Variants in AKAP8L observed in about 807,000 individuals in gnomAD.
AKAP8L encodes A-kinase anchor protein 8-like.
Under a neutral mutation model 77.5 loss-of-function variants are expected in AKAP8L, and 34 were observed. The observed-to-expected ratio is 0.44, with a 90% confidence interval of 0.33 to 0.58. AKAP8L has a LOEUF of 0.58. Among genes scored for constraint, AKAP8L ranks in the 20% least tolerant of loss-of-function variants. AKAP8L has a pLI of 0.02. For synonymous variants in AKAP8L, 342 were observed against 340.7 expected (o/e 1.00, Z -0.04); for missense variants, 806 against 887.6 (o/e 0.91, Z 1.17).
At chr19:15,405,706 G>A (rs1320120288) in intron 2 of AKAP8L, among the ~76,000 whole-genome samples, 2 of 151,606 alleles carry the variant, frequency 1.3e-5, no homozygotes, top group African/African-American at 2.4e-5. Flanking sequence ...GGTGGATTAC[G>A]AGGTCAGGAG....
intron 12 of AKAP8L, among the ~76,000 whole-genome samples, chr19:15,394,373 T>G (rs899264303): frequency 1.3e-5 from 2 of 151,938 alleles, no homozygotes; most frequent in African/African-American, 4.8e-5. Flanking sequence ...AATAAGCAAA[T>G]AGAGAGAGAT....
In AKAP8L at chr19:15,380,345, C is replaced by T. The variant is rs1265329293; in HGVS notation, c.1718G>A (p.Gly573Asp). ...GCCCTCCGAGATCCCTGCCGCTTCG[C>T]CCTGCGCCCCCTCGTCCAGGGCACC... ...EGGALDEGAQ[G>D]EAAGISEGAE... is the part of the protein sequence containing the mutation. The change falls in exon 14 of 14, where the codon GGC becomes GAC. Residue 573 changes from glycine (G) to aspartate (D), a missense_variant. This residue lies in a region of AKAP8L where 226 missense variants were observed against 193.5 expected (regional missense o/e 1.17). Transcript: ENST00000397410. The T allele has an allele frequency of 3.2e-6, 5 of 1,547,538 alleles. No homozygotes were observed. Among genetic ancestry groups the T allele is most frequent in the Non-Finnish European group, 4.3e-6 (5 of 1,150,626 alleles).
At chr19:15,416,842 A>G (rs749979927) in intron 1 of AKAP8L, among the ~76,000 whole-genome samples, 7 of 152,176 alleles carry the variant, frequency 4.6e-5, no homozygotes, top group Non-Finnish European at 8.8e-5. Flanking sequence ...CGAGTTAATA[A>G]AAAGATTTAT....
intron 1 of AKAP8L, among the ~76,000 whole-genome samples, chr19:15,415,763 G>A (rs1332960055): frequency 6.6e-6 from 1 of 152,010 alleles, no homozygotes; most frequent in East Asian, 1.9e-4. Context: ...GCGGGCACCT[G>A]TAGTCCCAGC....
At position 15,401,771 on chromosome 19, in the gene AKAP8L, A is replaced by AG. The variant is rs1471824583; in HGVS notation, c.363-169dup. ...AGAGTTCCAGCCTCTCAGCTGATAT[A>AG]GGGGCACCACTGCCCCAAACTTGAA... On this transcript the variant is annotated intron_variant, in intron 4 of 13. Coordinates refer to ENST00000397410, the MANE Select transcript of AKAP8L (RefSeq NM_014371.4). The surrounding 1 kb of genome is among the most constrained non-coding windows in gnomAD (Gnocchi z 6.2). 5.3e-5 allele frequency among the ~76,000 whole-genome samples: 8 copies of AG among 152,320 alleles called. No individual in the cohort carries two copies. The South Asian group carries it at 1.4e-3, about 28-fold the overall frequency.
intron 2 of AKAP8L, among the ~76,000 whole-genome samples, chr19:15,404,720 A>G (rs1048084693): frequency 3.9e-5 from 6 of 152,182 alleles, no homozygotes; most frequent in Non-Finnish European, 7.3e-5. Context: ...GAGACCCAAC[A>G]GTTGTTTCCC....
intron 12 of AKAP8L, among the ~76,000 whole-genome samples, chr19:15,396,246 T>C (rs1160173246): frequency 6.6e-6 from 1 of 151,942 alleles, no homozygotes; most frequent in Non-Finnish European, 1.5e-5. Flanking sequence ...GAACATCTGT[T>C]CATAAACCCC....
In AKAP8L at chr19:15,401,591, A is replaced by AT; in HGVS notation, c.374dup (p.Tyr125Ter). The change falls in exon 5 of 14, where the codon TAT (tyrosine) becomes TAAT (stop). Residue 125 changes from tyrosine to a stop codon, truncating the protein, a stop_gained and frameshift_variant. Transcript: ENST00000397410. LOFTEE classifies it high-confidence loss of function. The surrounding 1 kb of genome is among the most constrained non-coding windows in gnomAD (Gnocchi z 6.2). The part of the protein sequence containing the change: ...YGSGGERYDS[Y>*]ESCDSRAVLS... ...GGACGGCCCTCGAGTCGCAGGACTCATAAGAGTCATACCTGCAGAGGCATG... is the reference window on the plus strand; with the variant it reads ...GGACGGCCCTCGAGTCGCAGGACTCATTAAGAGTCATACCTGCAGAGGCATG... The AT allele has an allele frequency of 1.3e-6, 2 of 1,595,696 alleles. No homozygotes were observed. The highest frequency in any genetic ancestry group is 1.7e-6 in the Non-Finnish European group (2 of 1,172,194).
In AKAP8L at chr19:15,399,266, G is replaced by C. The variant is rs370058170; in HGVS notation, c.1157+36C>G. On this transcript the variant is annotated intron_variant, in intron 9 of 13. Coordinates refer to ENST00000397410, the MANE Select transcript of AKAP8L (RefSeq NM_014371.4). This position sits in a 1 kb window ranked among gnomAD's most constrained non-coding sequence, Gnocchi z 6.1. ...GCTCTCCTGGCGGCAGCCCCACAGC[G>C]AGGCAGAGGCAGAGGGGTGGAGGGA... is the stretch of plus-strand genomic sequence containing the variant. 6.4e-7 allele frequency: 1 copy of C among 1,564,162 alleles called. No homozygotes were observed. Among genetic ancestry groups the C allele is most frequent in the South Asian group, 1.1e-5 (1 of 90,076 alleles).
At chr19:15,393,208 C>T (rs879338844) in intron 12 of AKAP8L, among the ~76,000 whole-genome samples, 1 of 151,978 alleles carries the variant, frequency 6.6e-6, no homozygotes, top group African/African-American at 2.4e-5. Context: ...GAACAAAGAC[C>T]TAACTGCAAA....
intron 12 of AKAP8L, among the ~76,000 whole-genome samples, chr19:15,393,448 G>A (rs763756342): frequency 6.6e-6 from 1 of 152,058 alleles, no homozygotes; most frequent in Non-Finnish European, 1.5e-5. Flanking sequence ...TTTACAAAAA[G>A]AACTCTACAA....
chr19:15,406,891 C>T (rs556025059), intron 2 of AKAP8L, among the ~76,000 whole-genome samples: 21 of 152,312 alleles, frequency 1.4e-4, no homozygotes, highest in African/African-American at 4.6e-4. Context: ...CCTACCTACT[C>T]GGTGACATAT....
intron 12 of AKAP8L, among the ~76,000 whole-genome samples, chr19:15,387,047 C>A (rs1967553809): frequency 6.6e-6 from 1 of 152,220 alleles, no homozygotes; most frequent in Admixed American, 6.5e-5. Flanking sequence ...CGGTTCCTAT[C>A]TTCTACCCAG....
chr19:15,386,059 C>T (rs1467879937), intron 12 of AKAP8L, among the ~76,000 whole-genome samples: 3 of 151,918 alleles, frequency 2.0e-5, no homozygotes, highest in Admixed American at 6.6e-5. Context: ...TACAGGCGCC[C>T]GTCACTACGC....
rs190810507 is a variant in AKAP8L, at chr19:15,394,700, C to T, written c.1536+2450G>A. On this transcript the variant is annotated intron_variant, in intron 12 of 13. Coordinates refer to ENST00000397410, the MANE Select transcript of AKAP8L (RefSeq NM_014371.4). ...CTGGGATTGCAGGCATGAGCCACCA[C>T]GCCCAGCCCAAAGACTACTGAATTG... 1.7e-3 allele frequency among the ~76,000 whole-genome samples: 256 copies of T among 152,186 alleles called. 2 individuals carry two copies. The South Asian group carries it at 0.039, about 23-fold the overall frequency.
At position 15,398,752 on chromosome 19, in the gene AKAP8L, G is replaced by A. The variant is rs1436667117; in HGVS notation, c.1157+550C>T. ...AGAGTCTGAGGCGGAGGAGGCAAGC[G>A]CCAGTGCGGGAGCCCTGAGGGCAGA... On this transcript the variant is annotated intron_variant, in intron 9 of 13. Transcript: ENST00000397410. This position sits in a 1 kb window ranked among gnomAD's most constrained non-coding sequence, Gnocchi z 9.2. 1.6e-5 allele frequency: 16 copies of A among 990,456 alleles called. No individual in the cohort carries two copies. The highest frequency in any genetic ancestry group is 1.8e-5 in the Non-Finnish European group (15 of 833,332). 61.4% of individuals were successfully genotyped at this position (990,456 alleles called of 1,614,324 possible). A position where few individuals can be genotyped will look rare whatever the true frequency, so the allele number is the denominator to read the frequency against.
At chr19:15,386,942 A>G (rs1018127521) in intron 12 of AKAP8L, among the ~76,000 whole-genome samples, 2 of 152,172 alleles carry the variant, frequency 1.3e-5, no homozygotes, top group Admixed American at 1.3e-4. Context: ...TACAGGCGTG[A>G]GCCACTGTAC....
intron 12 of AKAP8L, among the ~76,000 whole-genome samples, chr19:15,390,818 C>T (rs997257013): frequency 2.0e-5 from 3 of 152,122 alleles, no homozygotes; most frequent in Admixed American, 2.0e-4. Flanking sequence ...AGACAAAAGC[C>T]ACATGATCAC....
intron 1 of AKAP8L, among the ~76,000 whole-genome samples, chr19:15,413,766 A>AC (rs1417717091): frequency 2.6e-5 from 4 of 152,176 alleles, no homozygotes; most frequent in African/African-American, 9.7e-5. Context: ...ATGGCCTCAG[A>AC]CTTTAGGTAA....
Sources: allele counts gnomAD v4.1 joint callset (sites outside exome capture counted in the v4.1 genomes callset), GRCh38; gene constraint gnomAD v4.1.1; regional missense constraint gnomAD v4.1.1; non-coding constraint Gnocchi (gnomAD v3.1); transcripts MANE v1.5; gene names NCBI Gene and HGNC (gene_info 2026-07-23, HGNC 2026-07-21).